Variants in MYOF observed in about 807,000 individuals in gnomAD.
The protein encoded by MYOF is myoferlin, also known as fer-1-like 3, myoferlin.
In MYOF, 244 loss-of-function variants were observed where a neutral mutation model predicts 284.2. That is an observed-to-expected ratio of 0.86 (90% CI 0.77 to 0.95). The LOEUF (loss-of-function observed/expected upper bound fraction) is 0.95, where lower values mean the gene tolerates loss of function less well. Among genes scored for constraint, MYOF ranks in the 40% least tolerant of loss-of-function variants. The pLI is 0.00. For synonymous variants in MYOF, 904 were observed against 919.7 expected (o/e 0.98, Z 0.31); for missense variants, 2,496 against 2,560.6 (o/e 0.97, Z 0.54).
At position 93,351,760 on chromosome 10, in the gene MYOF, T is replaced by C. The variant is rs1294604423; in HGVS notation, c.3568A>G (p.Ile1190Val). ...TAGATTTCAACTTCATCGAATATAA[T>C]TGTTTGGTCCCACGTGGGATTCAGG... ...STLNPTWDQT[I>V]IFDEVEIYGE... Residue 1190 changes from isoleucine (I) to valine (V), a missense_variant, in exon 33 of 54, where the codon ATT becomes GTT. Around this residue, in one of 3 missense-constraint regions of MYOF, gnomAD observed 2,436 missense variants for 2,480.7 expected, o/e 0.98. Transcript: ENST00000359263. The C allele has an allele frequency of 2.2e-5, 36 of 1,601,074 alleles. No homozygotes were observed. Among genetic ancestry groups the C allele is most frequent in the Non-Finnish European group, 3.0e-5 (35 of 1,177,034 alleles).
chr10:93,417,998 T>A lies in MYOF; in HGVS notation c.433+8073A>T, dbSNP rs368341251. On this transcript the variant is annotated intron_variant, in intron 5 of 53. Coordinates refer to ENST00000359263, the MANE Select transcript of MYOF (RefSeq NM_013451.4). Reference sequence around the variant, plus strand: ...ATTTTTTTGGAGAGATGGAGTCTCATTATGTTGCCCAGGCTAGTCTCAAGT... The same window carrying A: ...ATTTTTTTGGAGAGATGGAGTCTCAATATGTTGCCCAGGCTAGTCTCAAGT... Among the ~76,000 whole-genome samples the A allele has an allele frequency of 9.2e-5, 14 of 152,168 alleles. No individual in the cohort carries two copies. In the East Asian group the frequency reaches 2.1e-3, roughly 23 times the overall value.
At chr10:93,334,490 T>G (rs77069926) in intron 41 of MYOF, among the ~76,000 whole-genome samples, 7,827 of 152,248 alleles carry the variant, frequency 0.051, 304 homozygotes, top group Middle Eastern at 0.082. Flanking sequence ...ATTCTCTAGA[T>G]CCTTCATTAG....
At chr10:93,388,997 C>T in intron 18 of MYOF, 33 bp downstream of exon 18, 2 of 1,604,646 alleles carry the variant, frequency 1.2e-6, no homozygotes, top group Admixed American at 1.7e-5. Flanking sequence ...TTAACCAATG[C>T]TGATTAATAA....
In MYOF at chr10:93,416,240, C is replaced by T. The variant is rs150631801; in HGVS notation, c.434-6501G>A. 9.1e-3 allele frequency among the ~76,000 whole-genome samples: 1,392 copies of T among 152,312 alleles called. 4 individuals are homozygous for T. The highest frequency in any genetic ancestry group is 0.014 in the Non-Finnish European group (926 of 68,020). ...AATCACCAAAGAAACTTCTCTCGGC[C>T]GGGCGTCGTGGCTCATGCCTGTAAT... On this transcript the variant is annotated intron_variant, in intron 5 of 53. Transcript: ENST00000359263.
intron 45 of MYOF, among the ~76,000 whole-genome samples, chr10:93,326,748 C>G (rs1042887760): frequency 6.6e-6 from 1 of 152,110 alleles, no homozygotes; most frequent in African/African-American, 2.4e-5. Flanking sequence ...CCTCAGCCTC[C>G]CGAGTAGCTG....
chr10:93,434,520 C>A (rs1177477472), intron 3 of MYOF, among the ~76,000 whole-genome samples: 1 of 151,590 alleles, frequency 6.6e-6, no homozygotes, highest in Non-Finnish European at 1.5e-5. Context: ...AACTTTTCAG[C>A]CCTTTTTGGT....
chr10:93,331,889 C>T (rs1589399167), intron 43 of MYOF, among the ~76,000 whole-genome samples: 1 of 152,336 alleles, frequency 6.6e-6, no homozygotes, highest in East Asian at 1.9e-4. Context: ...TCTCACTCAG[C>T]AAGGTTCTGA....
intron 49 of MYOF, 101 bp from the exon 50 acceptor site, chr10:93,316,914 C>G (rs556768638): frequency 8.3e-6 from 7 of 842,214 alleles, no homozygotes; most frequent in South Asian, 1.5e-5. Flanking sequence ...TTTGCACCCC[C>G]ACCCTGACAC....
At chr10:93,427,431 T>C (rs1472819879) in intron 4 of MYOF, among the ~76,000 whole-genome samples, 1 of 149,388 alleles carries the variant, frequency 6.7e-6, no homozygotes, top group East Asian at 2.0e-4. Flanking sequence ...CTCAGGGGGC[T>C]GAGGCCGGAG....
intron 27 of MYOF, among the ~76,000 whole-genome samples, chr10:93,362,332 C>T (rs934223865): frequency 2.6e-5 from 4 of 151,878 alleles, no homozygotes; most frequent in African/African-American, 7.3e-5. Context: ...TGCAACCTCC[C>T]CTCCCAGGTT....
chr10:93,394,650 C>G (rs1345638236), intron 16 of MYOF, among the ~76,000 whole-genome samples: 1 of 148,780 alleles, frequency 6.7e-6, no homozygotes, highest in Middle Eastern at 3.5e-3. Context: ...TTAATGGAGA[C>G]GGGGTTTCAC....
chr10:93,323,142 T>G lies in MYOF; in HGVS notation c.5392A>C (p.Lys1798Gln), dbSNP rs1483862550. ...YYLRVIIWNT[K>Q]DVILDEKSIT... is the part of the protein sequence containing the mutation. ...CTTTTCTCGTCCAAGATAACGTCCT[T>G]GGTGTTCCAGATGATCACACGCAGG... The change falls in exon 48 of 54, where the codon AAG becomes CAG. Residue 1798 changes from lysine (K) to glutamine (Q), a missense_variant. Around this residue, in one of 3 missense-constraint regions of MYOF, gnomAD observed 2,436 missense variants for 2,480.7 expected, o/e 0.98. Transcript: ENST00000359263. The G allele has an allele frequency of 1.9e-6, 3 of 1,614,010 alleles. No individual in the cohort carries two copies. The highest frequency in any genetic ancestry group is 2.5e-6 in the Non-Finnish European group (3 of 1,179,958).
At position 93,314,415 on chromosome 10, in the gene MYOF, C is replaced by T. The variant is rs116923223; in HGVS notation, c.5699-1205G>A. Among the ~76,000 whole-genome samples the T allele has an allele frequency of 5.0e-3, 767 of 152,280 alleles. 2 individuals carry two copies. The highest frequency in any genetic ancestry group is 8.3e-3 in the Non-Finnish European group (565 of 68,024). The stretch of plus-strand genomic sequence containing the variant: ...CATTAACTCTTTAGTACCACTTCCA[C>T]GGTAAGGGAAAAGTGTGTTTTGGGC... On this transcript the variant is annotated intron_variant, in intron 50 of 53. Transcript: ENST00000359263.
chr10:93,375,527 G>A (rs914596517), intron 22 of MYOF, among the ~76,000 whole-genome samples: 7 of 152,222 alleles, frequency 4.6e-5, no homozygotes, highest in African/African-American at 1.7e-4. Flanking sequence ...GGTACTAATC[G>A]TGGCTCCATT....
At chr10:93,428,244 T>C (rs1035361672) in intron 4 of MYOF, among the ~76,000 whole-genome samples, 11 of 150,666 alleles carry the variant, frequency 7.3e-5, no homozygotes, top group African/African-American at 2.4e-4. Context: ...TTGCCCAGGC[T>C]GGAGCACAAT....
At position 93,367,408 on chromosome 10, in the gene MYOF, G is replaced by A. The variant is rs143625023; in HGVS notation, c.2590-853C>T. Among the ~76,000 whole-genome samples, 28 of 152,328 alleles carry A rather than the reference G, an allele frequency of 1.8e-4. No individual in the cohort carries two copies. In the East Asian group the frequency reaches 2.1e-3, roughly 12 times the overall value. ...AGCCATAGGAAAGCTTTTGGCTGAA[G>A]GAGAAAGGAGGAGATTTGAGTGGGG... On this transcript the variant is annotated intron_variant, in intron 25 of 53. Coordinates refer to ENST00000359263, the MANE Select transcript of MYOF (RefSeq NM_013451.4).
chr10:93,355,450 G>C (rs1051073398), intron 31 of MYOF, among the ~76,000 whole-genome samples, 178 bp downstream of exon 31: 3 of 152,156 alleles, frequency 2.0e-5, no homozygotes, highest in African/African-American at 4.8e-5. Flanking sequence ...GCCAGGCATG[G>C]TGACGTGCGC....
intron 3 of MYOF, among the ~76,000 whole-genome samples, chr10:93,450,699 C>A (rs2056565568): frequency 6.6e-6 from 1 of 152,198 alleles, no homozygotes; most frequent in Non-Finnish European, 1.5e-5. Flanking sequence ...CATGTGACCA[C>A]CTACCTCAAC....
At chr10:93,428,349 T>C (rs554183575) in intron 4 of MYOF, among the ~76,000 whole-genome samples, 52 of 145,824 alleles carry the variant, frequency 3.6e-4, no homozygotes, top group Non-Finnish European at 7.0e-4. Flanking sequence ...TACAAGCACG[T>C]GCCACCATGC....
Sources: gnomAD v4.1 joint callset for allele counts (sites outside exome capture counted in the v4.1 genomes callset) on GRCh38, gnomAD v4.1.1 for gene constraint, gnomAD v4.1.1 regional missense constraint, MANE v1.5 for transcripts, NCBI Gene and HGNC (gene_info 2026-07-23, HGNC 2026-07-21) for gene names.